Variants in ARHGAP32 observed in about 807,000 individuals in gnomAD.
The protein encoded by ARHGAP32 is Rho GTPase activating protein 32, also known as rho GTPase-activating protein 32.
In ARHGAP32, 51 loss-of-function variants were observed where a neutral mutation model predicts 186.5. The ratio of observed to expected loss-of-function variants is 0.27; its 90% confidence interval spans 0.22 to 0.35. ARHGAP32 has a LOEUF of 0.35. Among genes scored for constraint, ARHGAP32 ranks in the 10% least tolerant of loss-of-function variants. ARHGAP32 has a pLI of 1.00. For missense variants in ARHGAP32, 2,186 were observed against 2,623.5 expected, an observed-to-expected ratio of 0.83 and a Z score of 3.64; for synonymous variants, 950 against 964.3, an observed-to-expected ratio of 0.99 and a Z score of 0.27.
In ARHGAP32 at chr11:129,239,951, G is replaced by A. The variant is rs146929699; in HGVS notation, c.-5+39195C>T. ...CTATCTCTCAGACTACAAATTCTAA[G>A]GCAGGAACTGTTGTTTGTAATCTTC... On this transcript the variant is annotated intron_variant, in intron 1 of 6. Coordinates refer to the ARHGAP32 transcript ENST00000525234. 2.6e-3 allele frequency among the ~76,000 whole-genome samples: 401 copies of A among 152,218 alleles called. 4 individuals are homozygous for A. The highest frequency in any genetic ancestry group is 9.1e-3 in the African/African-American group (380 of 41,544).
intron 6 of ARHGAP32, among the ~76,000 whole-genome samples, chr11:129,072,552 C>T (rs1940901757): frequency 6.6e-6 from 1 of 152,154 alleles, no homozygotes; most frequent in African/African-American, 2.4e-5. Context: ...TCACTATCCC[C>T]CTCCCAAATT....
intron 5 of ARHGAP32, among the ~76,000 whole-genome samples, chr11:129,109,852 G>C (rs558069071): frequency 6.6e-6 from 1 of 151,894 alleles, no homozygotes; most frequent in Admixed American, 6.5e-5. Context: ...TAACTCCCTT[G>C]TGGGATATCA....
Position 129,219,313 on chromosome 11 carries a change from G to A in ARHGAP32, c.-4-54886C>T, listed in dbSNP as rs115959606. On this transcript the variant is annotated intron_variant, in intron 1 of 6. Transcript: ENST00000525234. ...AATCATTCTCTCATTCTTTATCCAT[G>A]CTATTGAGATAGTTGTAATTATCAA... Among the ~76,000 whole-genome samples, 706 of 152,230 alleles carry A rather than the reference G, an allele frequency of 4.6e-3. 8 individuals are homozygous for A. The highest frequency in any genetic ancestry group is 0.016 in the African/African-American group (663 of 41,540).
chr11:128,977,851 T>TTTATTA (rs58982581), intron 19 of ARHGAP32, among the ~76,000 whole-genome samples: 2,136 of 138,932 alleles, frequency 0.015, 22 homozygotes, highest in Middle Eastern at 0.026. Context: ...TTATTTGCAA[T>TTTATTA]TTATTATTAT....
intron 5 of ARHGAP32, among the ~76,000 whole-genome samples, chr11:129,094,136 CAGAA>C (rs1466186383): frequency 5.3e-5 from 8 of 151,884 alleles, no homozygotes; most frequent in African/African-American, 1.9e-4. Context: ...ACAAAATAAA[CAGAA>C]AGAATGAAAA....
chr11:129,058,397 G>T (rs1478157597), intron 10 of ARHGAP32, among the ~76,000 whole-genome samples: 2 of 152,062 alleles, frequency 1.3e-5, no homozygotes, highest in Non-Finnish European at 1.5e-5. Flanking sequence ...TATAACTCTA[G>T]ATATTATCCT....
In ARHGAP32 at chr11:129,201,491, G is replaced by A. The variant is rs1223700144; in HGVS notation, c.-4-37064C>T. ...CAGACAATTTTTAACCACTGTTCTAGAGCCTGATATCAGTAACCAAAAAAA... is the reference window on the plus strand; with the variant it reads ...CAGACAATTTTTAACCACTGTTCTAAAGCCTGATATCAGTAACCAAAAAAA... On this transcript the variant is annotated intron_variant, in intron 1 of 6. Coordinates refer to the ARHGAP32 transcript ENST00000525234. Among the ~76,000 whole-genome samples, 7 of 152,008 alleles carry A rather than the reference G, an allele frequency of 4.6e-5. No individual in the cohort carries two copies. The East Asian group carries it at 1.3e-3, about 29-fold the overall frequency.
chr11:129,260,137 G>C (rs972202125), intron 1 of ARHGAP32, among the ~76,000 whole-genome samples: 1 of 152,114 alleles, frequency 6.6e-6, no homozygotes, highest in Non-Finnish European at 1.5e-5. Context: ...ATCTGAGACC[G>C]GCATGAGCAT....
intron 1 of ARHGAP32, among the ~76,000 whole-genome samples, chr11:129,179,406 A>G (rs1402589942): frequency 6.6e-6 from 1 of 152,310 alleles, no homozygotes; most frequent in South Asian, 2.1e-4. Flanking sequence ...GGGATCTAGA[A>G]CTAGAAATAC....
chr11:129,193,666 T>TA (rs1944338645), upstream of ARHGAP32, among the ~76,000 whole-genome samples: 1 of 56,466 alleles, frequency 1.8e-5, no homozygotes, highest in Non-Finnish European at 3.2e-5. Context: ...ACAATATATA[T>TA]TATATATAAT....
chr11:129,064,393 G>C (rs1287284128), intron 8 of ARHGAP32, among the ~76,000 whole-genome samples: 1 of 151,926 alleles, frequency 6.6e-6, no homozygotes, highest in Non-Finnish European at 1.5e-5. Context: ...ATTTCCAGTG[G>C]GAGGAGAAAA....
At chr11:129,173,881 T>C (rs1943830928) in intron 1 of ARHGAP32, among the ~76,000 whole-genome samples, 1 of 152,160 alleles carries the variant, frequency 6.6e-6, no homozygotes, top group Non-Finnish European at 1.5e-5. Flanking sequence ...CTTGAGGTCT[T>C]ATTCACTTGG....
intron 5 of ARHGAP32, among the ~76,000 whole-genome samples, chr11:129,103,756 G>C (rs929906868): frequency 1.3e-5 from 2 of 152,026 alleles, no homozygotes; most frequent in African/African-American, 4.8e-5. Context: ...AGTGCTGAAA[G>C]AAATGTTGTC....
intron 1 of ARHGAP32, among the ~76,000 whole-genome samples, chr11:129,219,858 T>TACAC (rs111399265): frequency 5.3e-5 from 8 of 150,162 alleles, no homozygotes; most frequent in African/African-American, 1.7e-4. Flanking sequence ...ACTACACACA[T>TACAC]ACACACACAC....
chr11:129,103,769 T>C (rs1488586245), intron 5 of ARHGAP32, among the ~76,000 whole-genome samples: 2 of 152,026 alleles, frequency 1.3e-5, no homozygotes, highest in East Asian at 1.9e-4. Flanking sequence ...ATGTTGTCAA[T>C]ACTATTAATA....
At chr11:129,201,847 G>A (rs1944458822) in intron 1 of ARHGAP32, among the ~76,000 whole-genome samples, 2 of 152,062 alleles carry the variant, frequency 1.3e-5, no homozygotes, top group South Asian at 2.1e-4. Flanking sequence ...GCCAAGCATT[G>A]TGATGCACAT....
At chr11:129,086,937 T>G (rs1467888009) in intron 6 of ARHGAP32, among the ~76,000 whole-genome samples, 1 of 152,044 alleles carries the variant, frequency 6.6e-6, no homozygotes, top group African/African-American at 2.4e-5. Context: ...GGCAAAAGAT[T>G]TGAACAGACA....
chr11:128,998,288 C>T, intron 12 of ARHGAP32, 31 bp downstream of exon 12: 1 of 1,484,322 alleles, frequency 6.7e-7, no homozygotes, highest in Middle Eastern at 1.8e-4. Context: ...GTCAGAAACT[C>T]AGAGTATAAG....
intron 5 of ARHGAP32, among the ~76,000 whole-genome samples, chr11:129,107,122 T>C (rs1315702928): frequency 1.3e-5 from 2 of 152,184 alleles, no homozygotes. Context: ...TTTTCTCAGC[T>C]GAAATGTTGA....
Sources: gnomAD v4.1 joint callset for allele counts (sites outside exome capture counted in the v4.1 genomes callset) on GRCh38, gnomAD v4.1.1 for gene constraint, MANE v1.5 for transcripts, NCBI Gene and HGNC (gene_info 2026-07-23, HGNC 2026-07-21) for gene names.